Variants in SAE1 observed in about 807,000 individuals in gnomAD.
SAE1 encodes SUMO-activating enzyme subunit 1.
In SAE1, 11 loss-of-function variants were observed where a neutral mutation model predicts 40.6. The ratio of observed to expected loss-of-function variants is 0.27; its 90% CI spans 0.17 to 0.45. SAE1 has a LOEUF of 0.45. SAE1 is among the 20% of genes least tolerant of loss of function. The probability of loss-of-function intolerance (pLI) is 1.00; values close to 1 mark genes in which losing one functional copy is unlikely to be tolerated. For missense variants in SAE1, 373 were observed against 427.3 expected (o/e 0.87, Z 1.12); for synonymous variants, 155 against 154.3 (o/e 1.00, Z -0.03).
rs538083905 is a variant in SAE1, at chr19:47,169,894, G to T, written c.704G>T (p.Arg235Leu). Reference protein sequence around the residue: ...SSEKAKAALKRTTSDYFLLQV... With the variant: ...SSEKAKAALKLTTSDYFLLQV... ...GAGAAAGCAAAGGCTGCTCTGAAGC[G>T]CACGACCTCCGACTACTTTCTCCTT... The change falls in exon 6 of 9, where the codon CGC (arginine) becomes CTC (leucine). Residue 235 changes from arginine (R) to leucine (L), a missense_variant. By Grantham distance (102) the Arg-to-Leu change is moderately radical. Transcript: ENST00000270225. The T allele has an allele frequency of 1.2e-6, 2 of 1,613,910 alleles. No homozygotes were observed. Among genetic ancestry groups the T allele is most frequent in the Admixed American group, 1.7e-5 (1 of 59,996 alleles).
At chr19:47,189,408 T>C (rs1330237551) in intron 6 of SAE1, among the ~76,000 whole-genome samples, 1 of 151,894 alleles carries the variant, frequency 6.6e-6, no homozygotes, top group Admixed American at 6.6e-5. Context: ...AATATGTATA[T>C]AAATGAGCCG....
chr19:47,205,722 CAA>C (rs1446714685), intron 8 of SAE1, among the ~76,000 whole-genome samples: 2 of 152,190 alleles, frequency 1.3e-5, no homozygotes, highest in East Asian at 1.9e-4. Context: ...GTCTGCCACA[CAA>C]AGACAGTGTT....
chr19:47,185,749 G>C (rs2058540003), intron 6 of SAE1, among the ~76,000 whole-genome samples: 1 of 151,444 alleles, frequency 6.6e-6, no homozygotes, highest in Admixed American at 6.6e-5. Context: ...TTACAGACGT[G>C]TGCCACCACA....
intron 2 of SAE1, among the ~76,000 whole-genome samples, chr19:47,146,479 G>A (rs1327186613): frequency 6.6e-6 from 1 of 152,176 alleles, no homozygotes; most frequent in Non-Finnish European, 1.5e-5. Context: ...ATAGATTTAG[G>A]TGGTAGAATT....
intron 1 of SAE1, among the ~76,000 whole-genome samples, chr19:47,135,183 A>G (rs2058170818): frequency 6.6e-6 from 1 of 152,088 alleles, no homozygotes; most frequent in Non-Finnish European, 1.5e-5. Flanking sequence ...AAACAATCCA[A>G]TTATATTCTT....
intron 5 of SAE1, among the ~76,000 whole-genome samples, chr19:47,161,727 C>T (rs1469270942): frequency 6.6e-6 from 1 of 152,226 alleles, no homozygotes; most frequent in Non-Finnish European, 1.5e-5. Context: ...GGCTGTCCCT[C>T]CAACAGAAGT....
At chr19:47,205,512 A>G (rs1011441797) in intron 8 of SAE1, among the ~76,000 whole-genome samples, 1 of 152,096 alleles carries the variant, frequency 6.6e-6, no homozygotes, top group Non-Finnish European at 1.5e-5. Flanking sequence ...TGAAAATTAC[A>G]GTTTATATGC....
chr19:47,131,931 C>T (rs928093194), intron 1 of SAE1, among the ~76,000 whole-genome samples: 2 of 151,742 alleles, frequency 1.3e-5, no homozygotes, highest in Admixed American at 6.6e-5. Context: ...GATCTCCTTA[C>T]CTCAAGTGAT....
chr19:47,178,917 G>T (rs2058486913), intron 6 of SAE1, among the ~76,000 whole-genome samples: 1 of 152,148 alleles, frequency 6.6e-6, no homozygotes, highest in Non-Finnish European at 1.5e-5. Context: ...AATCTCACCT[G>T]GCGCGGTGGC....
chr19:47,199,925 A>C (rs1394667458), intron 7 of SAE1, among the ~76,000 whole-genome samples: 2 of 151,372 alleles, frequency 1.3e-5, no homozygotes, highest in African/African-American at 2.4e-5. Flanking sequence ...GCCTATGTTT[A>C]GATGATGGCT....
intron 6 of SAE1, among the ~76,000 whole-genome samples, chr19:47,182,395 C>T (rs1487939442): frequency 5.9e-5 from 9 of 151,396 alleles, no homozygotes; most frequent in African/African-American, 1.9e-4. Context: ...CAGCTGAGTG[C>T]TTGTTGATTT....
At position 47,152,919 on chromosome 19, in the gene SAE1, A is replaced by G. The variant is rs771380674; in HGVS notation, c.406A>G (p.Arg136Gly). ...GCAGGTGTGTCTGACTTGCTGCTCCAGGGATGTCATAGTTAAAGTTGACCA... is the reference window on the plus strand; with the variant it reads ...GCAGGTGTGTCTGACTTGCTGCTCCGGGGATGTCATAGTTAAAGTTGACCA... ...FDAVCLTCCS[R>G]DVIVKVDQIC... The change falls in exon 4 of 9, where the codon AGG (arginine) becomes GGG (glycine). Residue 136 changes from arginine (R) to glycine (G), a missense_variant. Coordinates refer to ENST00000270225, the MANE Select transcript of SAE1 (RefSeq NM_005500.3). 21 of 1,611,884 alleles carry G rather than the reference A, an allele frequency of 1.3e-5. No homozygotes were observed. The highest frequency in any genetic ancestry group is 3.3e-5 in the Admixed American group (2 of 59,948).
chr19:47,184,444 C>A (rs1375914976), intron 6 of SAE1, among the ~76,000 whole-genome samples: 1 of 152,112 alleles, frequency 6.6e-6, no homozygotes, highest in East Asian at 1.9e-4. Flanking sequence ...GAGTCTTGCT[C>A]TTGTCGCCCA....
chr19:47,148,335 G>T (rs1208036237), intron 2 of SAE1, among the ~76,000 whole-genome samples: 1 of 152,088 alleles, frequency 6.6e-6, no homozygotes, highest in African/African-American at 2.4e-5. Flanking sequence ...AAGATAGAGA[G>T]TGTGCTGTGG....
Position 47,197,400 on chromosome 19 carries a change from G to T in SAE1, c.878+23G>T, listed in dbSNP as rs150311409. On this transcript the variant is annotated intron_variant, in intron 7 of 8. Coordinates refer to ENST00000270225, the MANE Select transcript of SAE1 (RefSeq NM_005500.3). ...CAGGTTGGTGTCAGTATTTATCACT[G>T]TTTAGTCTGGACAGATAAAGTTTGT... is the stretch of plus-strand genomic sequence containing the variant. 7,705 of 1,604,048 alleles carry T rather than the reference G, an allele frequency of 4.8e-3. 27 individuals carry two copies. The highest frequency in any genetic ancestry group is 7.5e-3 in the Middle Eastern group (45 of 6,016).
intron 1 of SAE1, 147 bp downstream of exon 1, chr19:47,131,175 C>A: frequency 7.2e-7 from 1 of 1,396,494 alleles, no homozygotes; most frequent in Non-Finnish European, 9.3e-7. Flanking sequence ...CTTGGGGGGA[C>A]TGGAGGAGTT....
chr19:47,190,281 C>T (rs1014041871), intron 6 of SAE1, among the ~76,000 whole-genome samples: 9 of 152,158 alleles, frequency 5.9e-5, no homozygotes, highest in African/African-American at 1.9e-4. Context: ...TTGATCTTAA[C>T]GGAACAGTTT....
At position 47,204,501 on chromosome 19, in the gene SAE1, C is replaced by A. The variant is rs946601730; in HGVS notation, c.948+761C>A. Among the ~76,000 whole-genome samples the A allele has an allele frequency of 5.0e-3, 169 of 34,082 alleles. 4 individuals carry two copies. The highest frequency in any genetic ancestry group is 0.021 in the African/African-American group (163 of 7,710). The allele number at this position is 34,082 out of a possible 152,430, so 22.4% of individuals were successfully genotyped here. On this transcript the variant is annotated intron_variant, in intron 8 of 8. Transcript: ENST00000270225. ...GCATGAGCCACTGTACCCAGCCGCA[C>A]CCCCCCCCTTTTTTTTTTTTTTTGA...
At position 47,157,183 on chromosome 19, in the gene SAE1, T is replaced by C. The variant is rs141373281; in HGVS notation, c.627+1970T>C. On this transcript the variant is annotated intron_variant, in intron 5 of 8. Transcript: ENST00000270225. ...TTTGTGTTGGAGTAGTTTGGTGCTG[T>C]AAGTGTGATACAGAGGAATTAAGCC... Among the ~76,000 whole-genome samples, 18 of 152,290 alleles carry C rather than the reference T, an allele frequency of 1.2e-4. 1 individual carries two copies. Among genetic ancestry groups the C allele is most frequent in the Admixed American group, 1.2e-3 (18 of 15,288 alleles).
Sources: gnomAD v4.1 joint callset for allele counts (sites outside exome capture counted in the v4.1 genomes callset) on GRCh38, gnomAD v4.1.1 for gene constraint, MANE v1.5 for transcripts, NCBI Gene and HGNC (gene_info 2026-07-23, HGNC 2026-07-21) for gene names.